KAZN: variants seen among roughly 807,000 people sequenced by gnomAD.
The protein encoded by KAZN is kazrin, periplakin interacting protein.
In KAZN, 40 loss-of-function variants were observed where a neutral mutation model predicts 87.4. That is an observed-to-expected ratio of 0.46 (90% confidence interval 0.36 to 0.60). The LOEUF is 0.60. Among genes scored for constraint, KAZN ranks in the 20% least tolerant of loss-of-function variants. The pLI, the probability that KAZN is intolerant of heterozygous loss-of-function variation, is 0.00. For missense variants in KAZN, 898 were observed against 1,073.9 expected (o/e 0.84, Z 2.29); for synonymous variants, 466 against 458.3 (o/e 1.02, Z -0.22).
chr1:13,997,827 C>T (rs1319223669), intron 1 of KAZN, among the ~76,000 whole-genome samples: 1 of 152,078 alleles, frequency 6.6e-6, no homozygotes. Context: ...CTTCCCCAAC[C>T]CAGCAAGACA....
At chr1:14,298,818 T>C (rs1459679570) in intron 2 of KAZN, among the ~76,000 whole-genome samples, 3 of 152,236 alleles carry the variant, frequency 2.0e-5, no homozygotes, top group Non-Finnish European at 2.9e-5. Context: ...TAATAGAGTA[T>C]ACAAATGATT....
rs917417167 is a variant in KAZN at position 14,856,659 on chromosome 1, A to G, written c.227-104025A>G. Among the ~76,000 whole-genome samples, 2 of 152,224 alleles carry G rather than the reference A, an allele frequency of 1.3e-5. No homozygotes were observed. Among genetic ancestry groups the G allele is most frequent in the African/African-American group, 4.8e-5 (2 of 41,454 alleles). On this transcript the variant is annotated intron_variant, in intron 1 of 14. Coordinates refer to ENST00000376030, the MANE Select transcript of KAZN (RefSeq NM_201628.3). The surrounding 1 kb of genome is among the most constrained non-coding windows in gnomAD (Gnocchi z 5.2). ...TTTGGGTTTTTACATTTTGGGGAAT[A>G]AATAGGCAATGACCTTCTGCGAAGG...
At chr1:14,715,446 G>A (rs1292928252) in intron 1 of KAZN, among the ~76,000 whole-genome samples, 7 of 152,216 alleles carry the variant, frequency 4.6e-5, no homozygotes, top group Admixed American at 1.3e-4. Flanking sequence ...GCCTGGCAGC[G>A]AAGCTGTTTC....
intron 2 of KAZN, among the ~76,000 whole-genome samples, chr1:15,019,335 C>T (rs1670433683): frequency 1.3e-5 from 2 of 152,216 alleles, no homozygotes; most frequent in African/African-American, 4.8e-5. Flanking sequence ...CCTGGCTCTG[C>T]CTCTTACCAG....
intron 1 of KAZN, among the ~76,000 whole-genome samples, chr1:14,731,979 G>A (rs1289343314): frequency 6.6e-6 from 1 of 152,216 alleles, no homozygotes; most frequent in East Asian, 1.9e-4. Flanking sequence ...CAAATGGTGC[G>A]GCTAAGCCGC....
intron 2 of KAZN, among the ~76,000 whole-genome samples, chr1:14,195,864 C>T (rs545190047): frequency 4.6e-5 from 7 of 151,950 alleles, no homozygotes; most frequent in South Asian, 2.1e-4. Context: ...AAAGCCTAGG[C>T]GGGAGAGATA....
chr1:14,301,269 C>G (rs1044745014), intron 2 of KAZN, among the ~76,000 whole-genome samples: 1 of 152,234 alleles, frequency 6.6e-6, no homozygotes, highest in Non-Finnish European at 1.5e-5. Flanking sequence ...ACAATGGCAT[C>G]TGCGAGTCAG....
chr1:14,466,751 G>A lies in KAZN; in HGVS notation c.250-132232G>A, dbSNP rs541541352. On this transcript the variant is annotated intron_variant, in intron 2 of 16. Coordinates refer to the KAZN transcript ENST00000636203. ...CGGGAGGCCGAGGTGGGCAGATCAC[G>A]AAGTCAGGAGATGGAGACCATCCTG... Among the ~76,000 whole-genome samples, 477 of 151,762 alleles carry A rather than the reference G, an allele frequency of 3.1e-3. 7 individuals carry two copies. The highest frequency in any genetic ancestry group is 3.1e-3 in the East Asian group (16 of 5,178).
intron 2 of KAZN, among the ~76,000 whole-genome samples, chr1:14,490,091 G>A (rs984484911): frequency 6.6e-6 from 1 of 152,166 alleles, no homozygotes; most frequent in Non-Finnish European, 1.5e-5. Context: ...TCAGCATTCA[G>A]CATCTTTTTG....
chr1:14,924,352 C>T lies in KAZN; in HGVS notation c.227-36332C>T, dbSNP rs564664086. The T allele has an allele frequency of 7.5e-3, 7,455 of 988,512 alleles. 32 individuals are homozygous for T. Among genetic ancestry groups the T allele is most frequent in the Non-Finnish European group, 8.5e-3 (7,043 of 833,420 alleles). The allele number at this position is 988,512 out of a possible 1,614,324, so 61.2% of individuals were successfully genotyped here. A position where few individuals can be genotyped will look rare whatever the true frequency, so the allele number is the denominator to read the frequency against. The stretch of plus-strand genomic sequence containing the variant: ...TCGCGCAGCCGCTGGTAGCGTCCCC[C>T]CGGGCACCCGGCATGCGGGCGGCCG... On this transcript the variant is annotated intron_variant, in intron 1 of 14. Transcript: ENST00000376030.
At chr1:14,530,839 C>G (rs544596059) in intron 2 of KAZN, among the ~76,000 whole-genome samples, 1 of 152,126 alleles carries the variant, frequency 6.6e-6, no homozygotes, top group African/African-American at 2.4e-5. Flanking sequence ...AATCCCAGCA[C>G]GTTGGGAGGC....
intron 2 of KAZN, among the ~76,000 whole-genome samples, chr1:14,255,071 G>T (rs926828131): frequency 4.3e-5 from 6 of 139,728 alleles, no homozygotes; most frequent in African/African-American, 1.6e-4. Flanking sequence ...AGTGAGCTGA[G>T]ATTGCGCCAC....
At chr1:14,231,486 A>C (rs963592460) in intron 2 of KAZN, among the ~76,000 whole-genome samples, 3 of 152,196 alleles carry the variant, frequency 2.0e-5, no homozygotes, top group Non-Finnish European at 4.4e-5. Flanking sequence ...GTAATATATA[A>C]AGGGATGTCA....
At chr1:14,019,807 G>T (rs1298324129) in intron 1 of KAZN, among the ~76,000 whole-genome samples, 1 of 152,088 alleles carries the variant, frequency 6.6e-6, no homozygotes, top group Non-Finnish European at 1.5e-5. Context: ...CTACAGCAGT[G>T]GTCCCTGATC....
At chr1:14,344,163 CTTT>C (rs55837460) in intron 2 of KAZN, among the ~76,000 whole-genome samples, 12 of 122,598 alleles carry the variant, frequency 9.8e-5, no homozygotes, top group African/African-American at 2.7e-4. Context: ...TTCATGTATT[CTTT>C]TTTTTTTTTT....
chr1:14,105,761 C>T (rs575051177), intron 1 of KAZN, among the ~76,000 whole-genome samples: 3 of 152,244 alleles, frequency 2.0e-5, no homozygotes, highest in Admixed American at 6.5e-5. Context: ...AAGTTAAGAC[C>T]CTTGAGCTGC....
intron 2 of KAZN, among the ~76,000 whole-genome samples, chr1:14,586,703 GT>G (rs34745288): frequency 0.46 from 69,548 of 150,428 alleles, 17,086 homozygotes; most frequent in African/African-American, 0.63. Context: ...ACCCAGATAT[GT>G]TTTTTTTTTA....
intron 2 of KAZN, among the ~76,000 whole-genome samples, chr1:14,464,917 C>T (rs960884702): frequency 1.3e-5 from 2 of 151,770 alleles, no homozygotes; most frequent in African/African-American, 2.4e-5. Context: ...CATGTTGCTG[C>T]ATAACAGCTG....
At chr1:14,507,824 G>C (rs536605813) in intron 2 of KAZN, among the ~76,000 whole-genome samples, 3 of 151,886 alleles carry the variant, frequency 2.0e-5, no homozygotes, top group Non-Finnish European at 4.4e-5. Flanking sequence ...AAAATTAGTC[G>C]GGCACGGTGA....
Sources: allele counts gnomAD v4.1 joint callset (sites outside exome capture counted in the v4.1 genomes callset), GRCh38; gene constraint gnomAD v4.1.1; non-coding constraint Gnocchi (gnomAD v3.1); transcripts MANE v1.5; gene names NCBI Gene and HGNC (gene_info 2026-07-23, HGNC 2026-07-21).